EYS: variants seen among roughly 807,000 people sequenced by gnomAD.
EYS encodes the protein EGF-like photoreceptor maintenance factor, also known as protein eyes shut homolog.
EYS carries 250 observed loss-of-function variants against 282.1 expected under a neutral mutation model. That is an observed-to-expected ratio of 0.89 (90% CI 0.80 to 0.98). The LOEUF is 0.98. EYS is among the 50% of genes least tolerant of loss of function. The probability of loss-of-function intolerance (pLI) is 0.00; values close to 1 mark genes in which losing one functional copy is unlikely to be tolerated. For missense variants in EYS, 4,016 were observed against 3,709.0 expected (o/e 1.08, Z -2.15); for synonymous variants, 1,355 against 1,282.9 (o/e 1.06, Z -1.20).
intron 14 of EYS, among the ~76,000 whole-genome samples, chr6:64,950,740 C>G (rs1769459333): frequency 7.1e-6 from 1 of 140,624 alleles, no homozygotes; most frequent in African/African-American, 2.6e-5. Flanking sequence ...TGCCAAACAT[C>G]AGTTTATCAA....
chr6:63,814,693 G>A (rs915516144), intron 36 of EYS, among the ~76,000 whole-genome samples: 11 of 152,134 alleles, frequency 7.2e-5, no homozygotes, highest in Admixed American at 1.3e-4. Flanking sequence ...GCTTTTCAAA[G>A]TAACTAGGTA....
intron 36 of EYS, among the ~76,000 whole-genome samples, chr6:63,861,629 C>G (rs1482453): frequency 6.6e-6 from 1 of 152,076 alleles, no homozygotes; most frequent in Non-Finnish European, 1.5e-5. Context: ...TTATGTGCCC[C>G]CTAGAATCAC....
intron 22 of EYS, among the ~76,000 whole-genome samples, chr6:64,678,445 G>C (rs1769770807): frequency 6.6e-6 from 1 of 151,852 alleles, no homozygotes; most frequent in Non-Finnish European, 1.5e-5. Context: ...GGGCATGGTG[G>C]CACGTTCCTG....
intron 5 of EYS, among the ~76,000 whole-genome samples, chr6:65,407,790 T>C (rs1043940112): frequency 1.7e-4 from 25 of 148,860 alleles, no homozygotes; most frequent in African/African-American, 5.7e-4. Flanking sequence ...TGTGTGTATG[T>C]CTAACAAATA....
chr6:63,943,452 C>A (rs901889450), intron 35 of EYS, among the ~76,000 whole-genome samples: 3 of 151,998 alleles, frequency 2.0e-5, no homozygotes, highest in Non-Finnish European at 4.4e-5. Context: ...CTTGATTCTG[C>A]ATGAAAATAT....
chr6:65,668,784 T>G (rs1582583588), intron 1 of EYS, among the ~76,000 whole-genome samples: 1 of 152,082 alleles, frequency 6.6e-6, no homozygotes, highest in South Asian at 2.1e-4. Context: ...CACTAGTTTC[T>G]TAATAAAACT....
chr6:64,865,998 A>T (rs1233346726), intron 19 of EYS, among the ~76,000 whole-genome samples: 1 of 152,050 alleles, frequency 6.6e-6, no homozygotes, highest in African/African-American at 2.4e-5. Flanking sequence ...AATTACAGAC[A>T]GTTTGGAGAT....
chr6:64,790,954 G>A (rs780755455), intron 22 of EYS, among the ~76,000 whole-genome samples: 6 of 151,686 alleles, frequency 4.0e-5, no homozygotes, highest in Non-Finnish European at 8.9e-5. Flanking sequence ...ATACTTTAGA[G>A]TTCATTTGCA....
chr6:64,435,169 GA>G (rs962973376), intron 28 of EYS, among the ~76,000 whole-genome samples: 10 of 150,956 alleles, frequency 6.6e-5, no homozygotes, highest in Admixed American at 1.3e-4. Context: ...TAAGCATTAA[GA>G]AAAAAAAGAA....
intron 29 of EYS, among the ~76,000 whole-genome samples, chr6:64,357,435 C>A (rs79448207): frequency 6.6e-6 from 1 of 151,624 alleles, no homozygotes; most frequent in African/African-American, 2.4e-5. Context: ...AAGAAATTAC[C>A]TATCCTTCTT....
chr6:63,980,478 G>T lies in EYS; in HGVS notation c.7055+3905C>A, dbSNP rs377397609. Among the ~76,000 whole-genome samples the T allele has an allele frequency of 4.3e-4, 66 of 151,906 alleles. 1 individual carries two copies. The highest frequency in any genetic ancestry group is 1.6e-3 in the African/African-American group (65 of 41,502). On this transcript the variant is annotated intron_variant, in intron 35 of 42. Coordinates refer to ENST00000503581, the MANE Select transcript of EYS (RefSeq NM_001142800.2). ...GTGTATTTTGAGAGAAGCAAGCAGA[G>T]AGGTAAAAGGGCTTTCTTCCTGTCT...
In EYS at chr6:64,350,281, G is replaced by GA. The variant is rs943943392; in HGVS notation, c.6078+38408dup. 2.6e-5 allele frequency among the ~76,000 whole-genome samples: 4 copies of GA among 151,056 alleles called. No individual in the cohort carries two copies. The South Asian group carries it at 6.2e-4, about 24-fold the overall frequency. ...GTTTTAGAATATTTTAGATAAATCT[G>GA]AAAAAAAGGTAAAGACTTTAAGAAT... is the stretch of plus-strand genomic sequence containing the variant. On this transcript the variant is annotated intron_variant, in intron 29 of 42. Transcript: ENST00000503581.
intron 36 of EYS, among the ~76,000 whole-genome samples, chr6:63,858,908 A>C (rs1772460860): frequency 6.6e-6 from 1 of 151,968 alleles, no homozygotes; most frequent in Admixed American, 6.6e-5. Flanking sequence ...TGCTTTATAG[A>C]GGTATCATGT....
chr6:64,648,971 C>A (rs970442878), intron 22 of EYS, among the ~76,000 whole-genome samples: 4 of 152,070 alleles, frequency 2.6e-5, no homozygotes, highest in Non-Finnish European at 5.9e-5. Flanking sequence ...CATTTTCTCT[C>A]ATGGTTCAGG....
At chr6:64,969,485 AG>A (rs1430238419) in intron 14 of EYS, among the ~76,000 whole-genome samples, 1 of 152,140 alleles carries the variant, frequency 6.6e-6, no homozygotes, top group Non-Finnish European at 1.5e-5. Flanking sequence ...AATGAAACTT[AG>A]GGGGTCACTT....
At chr6:65,173,680 C>A (rs1337601576) in intron 12 of EYS, among the ~76,000 whole-genome samples, 1 of 150,736 alleles carries the variant, frequency 6.6e-6, no homozygotes, top group Non-Finnish European at 1.5e-5. Context: ...CTGAATGTTG[C>A]CAACAGATTT....
intron 12 of EYS, among the ~76,000 whole-genome samples, chr6:65,069,993 C>T (rs1387541835): frequency 6.6e-6 from 1 of 151,918 alleles, no homozygotes; most frequent in Non-Finnish European, 1.5e-5. Context: ...CAGAACCTCA[C>T]TTTCACTAAT....
At chr6:64,048,896 T>C (rs1243751479) in intron 33 of EYS, among the ~76,000 whole-genome samples, 1 of 144,300 alleles carries the variant, frequency 6.9e-6, no homozygotes, top group Non-Finnish European at 1.6e-5. Context: ...GTCATTCTCC[T>C]GCCATTCTTT....
chr6:65,120,315 T>G (rs1378755569), intron 12 of EYS, among the ~76,000 whole-genome samples: 1 of 151,702 alleles, frequency 6.6e-6, no homozygotes, highest in Non-Finnish European at 1.5e-5. Flanking sequence ...AACAACACCT[T>G]TTTTTAAAAT....
Sources: allele counts gnomAD v4.1 joint callset (sites outside exome capture counted in the v4.1 genomes callset), GRCh38; gene constraint gnomAD v4.1.1; transcripts MANE v1.5; gene names NCBI Gene and HGNC (gene_info 2026-07-23, HGNC 2026-07-21).